Variants in RTN1 observed in about 807,000 individuals in gnomAD.
RTN1 encodes reticulon 1.
Under a neutral mutation model 65.5 loss-of-function variants are expected in RTN1, and 25 were observed. The observed-to-expected ratio is 0.38, with a 90% CI of 0.28 to 0.53. The LOEUF (loss-of-function observed/expected upper bound fraction) is 0.53. Ranked by LOEUF, RTN1 falls within the 20% of genes least tolerant of loss-of-function variation. The pLI is 0.79. For synonymous variants in RTN1, 471 were observed against 447.6 expected (o/e 1.05, Z -0.66); for missense variants, 983 against 1,025.4 (o/e 0.96, Z 0.57).
chr14:59,608,422 G>C (rs577872947), intron 3 of RTN1, among the ~76,000 whole-genome samples: 34 of 152,342 alleles, frequency 2.2e-4, no homozygotes, highest in African/African-American at 6.3e-4. Context: ...AGGTTGAAGA[G>C]AGCAGGGAGC....
intron 1 of RTN1, among the ~76,000 whole-genome samples, chr14:59,811,833 C>T (rs1456756048): frequency 3.9e-5 from 6 of 152,116 alleles, no homozygotes; most frequent in Non-Finnish European, 7.3e-5. Flanking sequence ...ACTGAAGCAG[C>T]GGTTCTCAAC....
chr14:59,831,967 G>C (rs1887132674), intron 1 of RTN1, among the ~76,000 whole-genome samples: 2 of 152,040 alleles, frequency 1.3e-5, no homozygotes, highest in South Asian at 4.2e-4. Context: ...GGAGACAATG[G>C]GCTTCGGAGA....
chr14:59,805,794 A>G (rs1274322973), intron 1 of RTN1, among the ~76,000 whole-genome samples: 5 of 152,204 alleles, frequency 3.3e-5, no homozygotes, highest in Admixed American at 6.5e-5. Flanking sequence ...CCCAAATTAC[A>G]TCAATGAAGT....
chr14:59,630,633 C>A (rs550019785), intron 3 of RTN1: 2 of 1,376,166 alleles, frequency 1.5e-6, no homozygotes, highest in Non-Finnish European at 1.9e-6. Flanking sequence ...TGAGGCTGCA[C>A]CAGGCGGCGC....
At chr14:59,680,760 G>C (rs1036766131) in intron 3 of RTN1, among the ~76,000 whole-genome samples, 13 of 152,250 alleles carry the variant, frequency 8.5e-5, no homozygotes, top group African/African-American at 3.1e-4. Context: ...CAATGGAGTG[G>C]TATTTAAAGT....
intron 1 of RTN1, among the ~76,000 whole-genome samples, chr14:59,750,210 A>T (rs1214889532): frequency 3.9e-5 from 1 of 25,432 alleles, no homozygotes; most frequent in African/African-American, 2.9e-4. Context: ...ATAATATATA[A>T]TATATATATT....
intron 3 of RTN1, among the ~76,000 whole-genome samples, chr14:59,681,202 C>A (rs1883738351): frequency 6.6e-6 from 1 of 152,028 alleles, no homozygotes; most frequent in Non-Finnish European, 1.5e-5. Flanking sequence ...TCCACATGTA[C>A]AAATCCAACA....
intron 3 of RTN1, among the ~76,000 whole-genome samples, chr14:59,706,126 G>C (rs1180806092): frequency 6.6e-6 from 1 of 152,144 alleles, no homozygotes; most frequent in Admixed American, 6.5e-5. Context: ...CACCACACCC[G>C]ACAGACATTT....
At chr14:59,623,290 G>A (rs1465424408) in intron 3 of RTN1, among the ~76,000 whole-genome samples, 1 of 152,220 alleles carries the variant, frequency 6.6e-6, no homozygotes, top group Non-Finnish European at 1.5e-5. Flanking sequence ...ACTAGGACTA[G>A]AACATTCCCA....
Position 59,819,408 on chromosome 14 carries a change from ACCACCACCCCCCCCCCACCCCCCACCCC to A in RTN1, c.241+50954_241+50981del, listed in dbSNP as rs1566737422. ...GAGAGCTGATTGGTGCATCCACACC[ACCACCACCCCCCCCCCACCCCCCACCCC>A]CCCCCCCCGGCCACAGCTAGACACA... On this transcript the variant is annotated intron_variant, in intron 1 of 8. Coordinates refer to ENST00000267484, the MANE Select transcript of RTN1 (RefSeq NM_021136.3). 4.8e-4 allele frequency among the ~76,000 whole-genome samples: 9 copies of A among 18,758 alleles called. 2 individuals carry two copies. In the African/African-American group the frequency reaches 5.6e-3, roughly 12 times the overall value. 12.3% of individuals were successfully genotyped at this position (18,758 alleles called of 152,430 possible).
At chr14:59,653,921 A>C (rs1213617337) in intron 3 of RTN1, among the ~76,000 whole-genome samples, 2 of 152,064 alleles carry the variant, frequency 1.3e-5, no homozygotes, top group African/African-American at 4.8e-5. Context: ...TTATTTAGAG[A>C]TGAATCTCGC....
Position 59,816,716 on chromosome 14 carries a change from T to G in RTN1, c.241+53674A>C, listed in dbSNP as rs1252350975. ...TAGGAGGCCGAGGCTGGCGAATCACTTGAGTCCACGAGTTCAAGGTCAGCC... is the reference window on the plus strand; with the variant it reads ...TAGGAGGCCGAGGCTGGCGAATCACGTGAGTCCACGAGTTCAAGGTCAGCC... On this transcript the variant is annotated intron_variant, in intron 1 of 8. Coordinates refer to ENST00000267484, the MANE Select transcript of RTN1 (RefSeq NM_021136.3). The surrounding 1 kb of genome is among the most constrained non-coding windows in gnomAD (Gnocchi z 4.3). 6.6e-6 allele frequency among the ~76,000 whole-genome samples: 1 copy of G among 152,240 alleles called. No individual in the cohort carries two copies. Among genetic ancestry groups the G allele is most frequent in the South Asian group, 2.1e-4 (1 of 4,820 alleles).
chr14:59,681,776 C>T (rs1253840295), intron 3 of RTN1, among the ~76,000 whole-genome samples: 1 of 152,194 alleles, frequency 6.6e-6, no homozygotes, highest in Non-Finnish European at 1.5e-5. Context: ...TTTCATCCAG[C>T]TAATCACATC....
intron 3 of RTN1, among the ~76,000 whole-genome samples, chr14:59,620,608 A>G (rs754670382): frequency 1.3e-5 from 2 of 152,248 alleles, no homozygotes; most frequent in African/African-American, 2.4e-5. Flanking sequence ...TAATGTGGCT[A>G]TTAGAAAATT....
chr14:59,850,761 AGTCCTTACTAT>A (rs1887491091), intron 1 of RTN1, among the ~76,000 whole-genome samples: 1 of 152,246 alleles, frequency 6.6e-6, no homozygotes, highest in Non-Finnish European at 1.5e-5. Context: ...ATATTTATAC[AGTCCTTACTAT>A]GTCTCAAACA....
chr14:59,811,659 T>C (rs1312545978), intron 1 of RTN1, among the ~76,000 whole-genome samples: 1 of 152,218 alleles, frequency 6.6e-6, no homozygotes, highest in East Asian at 1.9e-4. Flanking sequence ...TTTAAAAATA[T>C]CACCGCATAT....
intron 1 of RTN1, among the ~76,000 whole-genome samples, chr14:59,769,416 C>T (rs1017343700): frequency 3.3e-5 from 5 of 152,152 alleles, no homozygotes; most frequent in South Asian, 2.1e-4. Context: ...CACTAAGCCT[C>T]ATAATAAATG....
chr14:59,613,897 C>T (rs1162615873), intron 3 of RTN1, among the ~76,000 whole-genome samples: 1 of 152,024 alleles, frequency 6.6e-6, no homozygotes, highest in Non-Finnish European at 1.5e-5. Flanking sequence ...TTCTGTTTTG[C>T]ATACTGTTAT....
chr14:59,868,407 G>C lies in RTN1; in HGVS notation c.241+1983C>G, dbSNP rs1887834318. Among the ~76,000 whole-genome samples the C allele has an allele frequency of 6.6e-6, 1 of 152,076 alleles. No homozygotes were observed. The highest frequency in any genetic ancestry group is 6.6e-5 in the Admixed American group (1 of 15,264). The stretch of plus-strand genomic sequence containing the variant: ...ATTACTATATTTGTTGCCTAGGATA[G>C]AAAACCCCAAACACATTCAATAAAG... On this transcript the variant is annotated intron_variant, in intron 1 of 8. Coordinates refer to ENST00000267484, the MANE Select transcript of RTN1 (RefSeq NM_021136.3). This position sits in a 1 kb window ranked among gnomAD's most constrained non-coding sequence, Gnocchi z 4.0.
Sources: gnomAD v4.1 joint callset for allele counts (sites outside exome capture counted in the v4.1 genomes callset) on GRCh38, gnomAD v4.1.1 for gene constraint, Gnocchi (gnomAD v3.1) non-coding constraint, MANE v1.5 for transcripts, NCBI Gene and HGNC (gene_info 2026-07-23, HGNC 2026-07-21) for gene names.